The following CA13 variants were observed in gnomAD, a reference collection of about 807,000 sequenced individuals.
The protein encoded by CA13 is carbonic anhydrase 13.
In CA13, 21 loss-of-function variants were observed where a neutral mutation model predicts 31.5. That is an observed-to-expected ratio of 0.67 (90% CI 0.47 to 0.96). The LOEUF is 0.96. CA13 is among the 40% of genes least tolerant of loss of function. The pLI, the probability that CA13 is intolerant of heterozygous loss-of-function variation, is 0.00. For synonymous variants in CA13, 117 were observed against 111.4 expected (o/e 1.05, Z -0.32); for missense variants, 315 against 318.9 (o/e 0.99, Z 0.09).
At chr8:85,252,935 A>T (rs1018163194) in intron 2 of CA13, among the ~76,000 whole-genome samples, 2 of 151,478 alleles carry the variant, frequency 1.3e-5, no homozygotes, top group African/African-American at 4.9e-5. Context: ...AAAAGTAGTA[A>T]GTTTTTTTTT....
At chr8:85,278,244 T>G (rs1386043504) in intron 6 of CA13, among the ~76,000 whole-genome samples, 1 of 122,324 alleles carries the variant, frequency 8.2e-6, no homozygotes, top group African/African-American at 3.2e-5. Context: ...CCAGCCTGGG[T>G]GACAGAGCAA....
At chr8:85,255,033 C>T (rs1807270452) in intron 2 of CA13, among the ~76,000 whole-genome samples, 1 of 152,022 alleles carries the variant, frequency 6.6e-6, no homozygotes, top group Admixed American at 6.5e-5. Flanking sequence ...TAGAGAACTA[C>T]CCAAAAATCC....
At position 85,245,801 on chromosome 8, in the gene CA13, C is replaced by T. The variant is rs749156383; in HGVS notation, c.-28C>T. 1 of 1,613,586 alleles carries T rather than the reference C, an allele frequency of 6.2e-7. No homozygotes were observed. The highest frequency in any genetic ancestry group is 1.1e-5 in the South Asian group (1 of 91,080). On this transcript the variant is annotated 5_prime_UTR_variant, in exon 1 of 7. Transcript: ENST00000321764. ...CCTCTTTCTCGCTGCTCAGTCACAT[C>T]TTTCTCTTCCTTCCACCCCGAGGGA...
intron 6 of CA13, among the ~76,000 whole-genome samples, chr8:85,276,298 A>C (rs1807606307): frequency 6.6e-6 from 1 of 151,982 alleles, no homozygotes; most frequent in African/African-American, 2.4e-5. Flanking sequence ...GCCATGCTTG[A>C]GCCTCCCCCC....
chr8:85,257,840 C>T (rs1807322849), intron 2 of CA13, among the ~76,000 whole-genome samples: 1 of 148,104 alleles, frequency 6.8e-6, no homozygotes, highest in Non-Finnish European at 1.5e-5. Flanking sequence ...TTGTGTTGGC[C>T]AGGCTGGTCT....
intron 3 of CA13, 68 bp from the exon 4 acceptor site, chr8:85,266,540 T>C: frequency 8.3e-7 from 1 of 1,198,468 alleles, no homozygotes; most frequent in Admixed American, 1.8e-5. Flanking sequence ...GTAAATGTTT[T>C]ATTTGCATTT....
chr8:85,256,738 TTAAGGA>T (rs1354908269), intron 2 of CA13, among the ~76,000 whole-genome samples: 2 of 152,232 alleles, frequency 1.3e-5, no homozygotes, highest in Non-Finnish European at 2.9e-5. Flanking sequence ...ACTAAGTTTC[TTAAGGA>T]TAAGGACAAA....
intron 6 of CA13, among the ~76,000 whole-genome samples, chr8:85,269,476 T>G (rs1009441132): frequency 6.6e-6 from 1 of 152,038 alleles, no homozygotes; most frequent in African/African-American, 2.4e-5. Flanking sequence ...GGATCTCATT[T>G]AAGTGTTCTT....
In CA13 at chr8:85,255,408, G is replaced by A. The variant is rs561227071; in HGVS notation, c.236-4013G>A. Reference sequence around the variant, plus strand: ...CTCCTGAGTAGCTGGGATTACAGGCGCACGTCACCATGCCCAACTAATTTT... The same window carrying A: ...CTCCTGAGTAGCTGGGATTACAGGCACACGTCACCATGCCCAACTAATTTT... On this transcript the variant is annotated intron_variant, in intron 2 of 6. Transcript: ENST00000321764. Among the ~76,000 whole-genome samples the A allele has an allele frequency of 1.5e-3, 235 of 151,982 alleles. 2 individuals carry two copies. Among genetic ancestry groups the A allele is most frequent in the Admixed American group, 5.4e-3 (82 of 15,248 alleles).
Position 85,252,733 on chromosome 8 carries a change from A to G in CA13, c.235+1796A>G, listed in dbSNP as rs1807213976. ...TTTTTATTTTTAATCTAAGATCAGG[A>G]TGATGCTGTATTTGCTCTATTAATG... On this transcript the variant is annotated intron_variant, in intron 2 of 6. Coordinates refer to ENST00000321764, the MANE Select transcript of CA13 (RefSeq NM_198584.3). Among the ~76,000 whole-genome samples, 4 of 152,328 alleles carry G rather than the reference A, an allele frequency of 2.6e-5. No homozygotes were observed. The South Asian group carries it at 8.3e-4, about 32-fold the overall frequency.
intron 1 of CA13, among the ~76,000 whole-genome samples, chr8:85,248,152 A>G (rs1440511308): frequency 6.6e-6 from 1 of 152,142 alleles, no homozygotes; most frequent in African/African-American, 2.4e-5. Context: ...CAACCACCAC[A>G]TATCTCTAAT....
chr8:85,256,771 T>C (rs1047858342), intron 2 of CA13, among the ~76,000 whole-genome samples: 1 of 152,256 alleles, frequency 6.6e-6, no homozygotes, highest in Non-Finnish European at 1.5e-5. Context: ...TATCATTGCA[T>C]ATTTAGTATT....
chr8:85,251,003 T>A, intron 2 of CA13, 66 bp downstream of exon 2: 27 of 59,764 alleles, frequency 4.5e-4, no homozygotes, highest in Non-Finnish European at 6.1e-4. Flanking sequence ...ACTATACTCT[T>A]TTTTTTTTTT....
At chr8:85,280,088 T>C (rs1398710801) in intron 6 of CA13, among the ~76,000 whole-genome samples, 3 of 152,132 alleles carry the variant, frequency 2.0e-5, no homozygotes, top group Non-Finnish European at 4.4e-5. Context: ...AAGACCATCC[T>C]GGCCAACATG....
At chr8:85,280,823 A>T (rs1413997227) in intron 6 of CA13, among the ~76,000 whole-genome samples, 2 of 152,212 alleles carry the variant, frequency 1.3e-5, no homozygotes, top group Admixed American at 6.5e-5. Context: ...GATGGCTAGG[A>T]TATATACTAA....
At chr8:85,276,071 G>A (rs1807599759) in intron 6 of CA13, among the ~76,000 whole-genome samples, 1 of 152,162 alleles carries the variant, frequency 6.6e-6, no homozygotes, top group Non-Finnish European at 1.5e-5. Flanking sequence ...AGGGAGAGGC[G>A]TGGGCGGGAA....
chr8:85,254,532 A>G (rs994640420), intron 2 of CA13, among the ~76,000 whole-genome samples: 1 of 152,054 alleles, frequency 6.6e-6, no homozygotes, highest in African/African-American at 2.4e-5. Flanking sequence ...ACACTTAGTC[A>G]TCAGTAGTGT....
chr8:85,266,564 T>A lies in CA13; in HGVS notation c.355-44T>A, dbSNP rs769813021. 35 of 1,411,840 alleles carry A rather than the reference T, an allele frequency of 2.5e-5. No individual in the cohort carries two copies. The Middle Eastern group carries it at 7.1e-4, about 28-fold the overall frequency. 87.5% of individuals were successfully genotyped at this position (1,411,840 alleles called of 1,614,324 possible). A position where few individuals can be genotyped will look rare whatever the true frequency, so the allele number is the denominator to read the frequency against. ...TTATTTGCATTTATGTTTTTCAGGA[T>A]GTCTAACAAAACATTCCTACTATGT... On this transcript the variant is annotated intron_variant, in intron 3 of 6. Coordinates refer to ENST00000321764, the MANE Select transcript of CA13 (RefSeq NM_198584.3).
chr8:85,252,758 G>GA (rs1587533782), intron 2 of CA13, among the ~76,000 whole-genome samples: 1 of 151,888 alleles, frequency 6.6e-6, no homozygotes, highest in African/African-American at 2.4e-5. Flanking sequence ...CTCTATTAAT[G>GA]AAAAAATATA....
Sources: allele counts gnomAD v4.1 joint callset (sites outside exome capture counted in the v4.1 genomes callset), GRCh38; gene constraint gnomAD v4.1.1; transcripts MANE v1.5; gene names NCBI Gene and HGNC (gene_info 2026-07-23, HGNC 2026-07-21).